PAGR1: variants seen among roughly 807,000 people sequenced by gnomAD.
The protein encoded by PAGR1 is PAXIP1-associated glutamate-rich protein 1.
In PAGR1, 20 loss-of-function variants were observed where a neutral mutation model predicts 22.4. That is an observed-to-expected ratio of 0.89 (90% CI 0.63 to 1.30). The LOEUF (loss-of-function observed/expected upper bound fraction) is 1.30, where lower values mean the gene tolerates loss of function less well. PAGR1 is among the 50% of genes most tolerant of loss of function. PAGR1 has a pLI of 0.00. For missense variants in PAGR1, 338 were observed against 343.6 expected (o/e 0.98, Z 0.13); for synonymous variants, 161 against 148.3 (o/e 1.09, Z -0.62).
intron 2 of PAGR1, chr16:29,818,106 C>T (rs1900286160): frequency 1.3e-5 from 2 of 152,262 alleles, no homozygotes; most frequent in African/African-American, 4.8e-5. Flanking sequence ...CCCTCTACTA[C>T]CATGTACATT....
Position 29,816,832 on chromosome 16 carries a change from C to T in PAGR1, c.307C>T (p.Gln103Ter). The T allele has an allele frequency of 6.4e-7, 1 of 1,561,908 alleles. No individual in the cohort carries two copies. The highest frequency in any genetic ancestry group is 8.7e-7 in the Non-Finnish European group (1 of 1,153,888). ...DEEVELPADGQPWMPPPSEIQ... is the reference protein window; with the variant it reads ...DEEVELPADG ...GGAGGTGGAGCTGCCTGCGGATGGGCAGCCCTGGATGCCCCCGCCCTCCGA... is the reference window on the plus strand; with the variant it reads ...GGAGGTGGAGCTGCCTGCGGATGGGTAGCCCTGGATGCCCCCGCCCTCCGA... The change falls in exon 1 of 3, where the codon CAG (glutamine) becomes TAG (stop). Residue 103 changes from glutamine to a stop codon, truncating the protein, a stop_gained. Coordinates refer to ENST00000320330, the MANE Select transcript of PAGR1 (RefSeq NM_024516.4). LOFTEE classifies it high-confidence loss of function.
At chr16:29,819,381 A>G in intron 2 of PAGR1, 174 bp from the exon 3 acceptor site, 1 of 667,906 alleles carries the variant, frequency 1.5e-6, no homozygotes, top group South Asian at 1.8e-5. Flanking sequence ...CCTGTCAATC[A>G]AGATCTTTGC....
chr16:29,816,340 C>T lies in PAGR1; in HGVS notation c.-186C>T. 3 of 503,600 alleles carry T rather than the reference C, an allele frequency of 6.0e-6. No homozygotes were observed. Among genetic ancestry groups the T allele is most frequent in the Non-Finnish European group, 9.6e-6 (3 of 314,022 alleles). The allele number at this position is 503,600 out of a possible 1,614,324, so 31.2% of individuals were successfully genotyped here. Reference sequence around the variant, plus strand: ...GCCTCGGAGTACCGAACCTCGATCTCCGGGGCGGGGTCCTTGGTGGGGACT... The same window carrying T: ...GCCTCGGAGTACCGAACCTCGATCTTCGGGGCGGGGTCCTTGGTGGGGACT... On this transcript the variant is annotated 5_prime_UTR_variant, in exon 1 of 3. Coordinates refer to ENST00000320330, the MANE Select transcript of PAGR1 (RefSeq NM_024516.4).
Position 29,821,253 on chromosome 16 carries a change from G to A in PAGR1, c.*1499G>A, listed in dbSNP as rs1348260101. The stretch of plus-strand genomic sequence containing the variant: ...TCAGCTCTCTGCCTGGGTAGCCCCT[G>A]GGTGATGGGGGAGAGGCCAGCTGTC... On this transcript the variant is annotated 3_prime_UTR_variant, in exon 3 of 3. Transcript: ENST00000320330. The A allele has an allele frequency of 2.0e-5, 3 of 152,358 alleles. No homozygotes were observed. The highest frequency in any genetic ancestry group is 7.2e-5 in the African/African-American group (3 of 41,434). The allele number at this position is 152,358 out of a possible 1,614,324, so 9.4% of individuals were successfully genotyped here. A position where few individuals can be genotyped will look rare whatever the true frequency, so the allele number is the denominator to read the frequency against.
At position 29,821,862 on chromosome 16, in the gene PAGR1, C is replaced by G. The variant is rs184858965; in HGVS notation, c.*2108C>G. 7.2e-5 allele frequency among the ~76,000 whole-genome samples: 11 copies of G among 152,314 alleles called. No individual in the cohort carries two copies. The East Asian group carries it at 2.1e-3, about 29-fold the overall frequency. The stretch of plus-strand genomic sequence containing the variant: ...GCCTAGAACACAGGGTCCAGAGGCT[C>G]TCTCCCGGAAACTTAGACCCAGTGA... On this transcript the variant is annotated 3_prime_UTR_variant, in exon 3 of 3. Coordinates refer to ENST00000320330, the MANE Select transcript of PAGR1 (RefSeq NM_024516.4).
At position 29,819,570 on chromosome 16, in the gene PAGR1, G is replaced by A. The variant is rs540130367; in HGVS notation, c.581G>A (p.Ser194Asn). The stretch of plus-strand genomic sequence containing the variant: ...TCTTCTCCAGGAAGCTCAGCCCGGA[G>A]CCAGAAACGGGAGGCCCGCCTGGAC... ...RRRTPGSSAR[S>N]QKREARLDKV... Residue 194 changes from serine (S) to asparagine (N), a missense_variant, in exon 3 of 3, where the codon AGC becomes AAC. By Grantham distance (46) the Ser-to-Asn change is conservative. Transcript: ENST00000320330. 2 of 1,614,070 alleles carry A rather than the reference G, an allele frequency of 1.2e-6. No individual in the cohort carries two copies. The highest frequency in any genetic ancestry group is 1.1e-5 in the South Asian group (1 of 91,086).
chr16:29,818,843 C>T (rs1370004222), intron 2 of PAGR1, among the ~76,000 whole-genome samples: 1 of 152,228 alleles, frequency 6.6e-6, no homozygotes, highest in Non-Finnish European at 1.5e-5. Context: ...GCTGGAATTA[C>T]AGGCGTGAGC....
chr16:29,821,192 G>A lies in PAGR1; in HGVS notation c.*1438G>A, dbSNP rs1056784805. 6.6e-6 allele frequency: 1 copy of A among 152,306 alleles called. No individual in the cohort carries two copies. Among genetic ancestry groups the A allele is most frequent in the African/African-American group, 2.4e-5 (1 of 41,458 alleles). The allele number at this position is 152,306 out of a possible 1,614,324, so 9.4% of individuals were successfully genotyped here. On this transcript the variant is annotated 3_prime_UTR_variant, in exon 3 of 3. Transcript: ENST00000320330. ...CCCTTGGGGAGCCAAGCACTTGGGG[G>A]TGGAGGTGATAGCGAGGCTGATGGC...
chr16:29,817,308 A>G lies in PAGR1; in HGVS notation c.565+16A>G. The G allele has an allele frequency of 6.2e-7, 1 of 1,613,436 alleles. No homozygotes were observed. Among genetic ancestry groups the G allele is most frequent in the South Asian group, 1.1e-5 (1 of 91,052 alleles). On this transcript the variant is annotated intron_variant, in intron 2 of 2. Coordinates refer to ENST00000320330, the MANE Select transcript of PAGR1 (RefSeq NM_024516.4). ...CGCACCCCAGGTACAAACGAAGAGG[A>G]AACAGTTGGGGGAGGTGAAGGGCCT...
Position 29,819,634 on chromosome 16 carries a change from G to A in PAGR1, c.645G>A (p.Glu215=). 1.2e-6 allele frequency: 2 copies of A among 1,614,134 alleles called. No individual in the cohort carries two copies. Among genetic ancestry groups the A allele is most frequent in the Non-Finnish European group, 1.7e-6 (2 of 1,180,040 alleles). ...LSDMKRHKKL[E]EQILRTGRDL... The stretch of plus-strand genomic sequence containing the variant: ...ACATGAAGAGACACAAGAAGCTGGA[G>A]GAGCAGATCCTTCGTACCGGGAGGG... The change falls in exon 3 of 3, where the codon GAG becomes GAA. Residue 215 remains glutamate (E), a synonymous_variant. Coordinates refer to ENST00000320330, the MANE Select transcript of PAGR1 (RefSeq NM_024516.4).
chr16:29,819,483 G>T (rs1365931414), intron 2 of PAGR1, 72 bp from the exon 3 acceptor site: 3 of 1,504,092 alleles, frequency 2.0e-6, no homozygotes, highest in Non-Finnish European at 2.8e-6. Flanking sequence ...CCCAAGTGAT[G>T]AGTGAGGTCC....
Position 29,819,913 on chromosome 16 carries a change from G to A in PAGR1, c.*159G>A, listed in dbSNP as rs1434787979. 1.3e-6 allele frequency: 1 copy of A among 797,304 alleles called. No individual in the cohort carries two copies. Among genetic ancestry groups the A allele is most frequent in the Non-Finnish European group, 1.9e-6 (1 of 517,932 alleles). 49.4% of individuals were successfully genotyped at this position (797,304 alleles called of 1,614,324 possible). ...AGAGGAAGAGAGAGTGTGAGTGTGT[G>A]TGTGTGTTTTTTCTATTGAACACCT... On this transcript the variant is annotated 3_prime_UTR_variant, in exon 3 of 3. Coordinates refer to ENST00000320330, the MANE Select transcript of PAGR1 (RefSeq NM_024516.4).
rs780235528 is a variant in PAGR1 at position 29,819,782 on chromosome 16, A to C, written c.*28A>C. The C allele has an allele frequency of 6.3e-7, 1 of 1,594,622 alleles. No homozygotes were observed. The highest frequency in any genetic ancestry group is 8.6e-7 in the Non-Finnish European group (1 of 1,166,114). On this transcript the variant is annotated 3_prime_UTR_variant, in exon 3 of 3. Transcript: ENST00000320330. Reference sequence around the variant, plus strand: ...CCCACTGCTCCTGCCTCTAGGGTGCAGTGTCCGTACCTGCTGGAGCCTGGG... The same window carrying C: ...CCCACTGCTCCTGCCTCTAGGGTGCCGTGTCCGTACCTGCTGGAGCCTGGG...
chr16:29,816,660 G>A lies in PAGR1; in HGVS notation c.135G>A (p.Lys45=), dbSNP rs752120723. The change falls in exon 1 of 3, where the codon AAG becomes AAA. Residue 45 remains lysine (K), a synonymous_variant. Transcript: ENST00000320330. ...GAGGCCCCTCTGCCTCGGCCGGTAA[G>A]GCCGAGGACGAGGGGGAAGGAGGCC... ...DTGGPSASAG[K]AEDEGEGGRE... The A allele has an allele frequency of 2.5e-6, 4 of 1,581,174 alleles. No individual in the cohort carries two copies. In the African/African-American group the frequency reaches 5.4e-5, roughly 21 times the overall value.
rs777028975 is a variant in PAGR1 at position 29,816,252 on chromosome 16, A to G, written c.-274A>G. Reference sequence around the variant, plus strand: ...AGAGGGGCGTCGTGGAAGCGAGAAGAGTGGCCCGTCCCTCTCCTCCCCCTT... The same window carrying G: ...AGAGGGGCGTCGTGGAAGCGAGAAGGGTGGCCCGTCCCTCTCCTCCCCCTT... On this transcript the variant is annotated 5_prime_UTR_variant, in exon 1 of 3. Coordinates refer to ENST00000320330, the MANE Select transcript of PAGR1 (RefSeq NM_024516.4). 9.8e-6 allele frequency: 4 copies of G among 407,340 alleles called. No individual in the cohort carries two copies. Among genetic ancestry groups the G allele is most frequent in the African/African-American group, 2.1e-5 (1 of 48,672 alleles). 25.2% of individuals were successfully genotyped at this position (407,340 alleles called of 1,614,324 possible).
rs1313926599 is a variant in PAGR1 at position 29,816,889 on chromosome 16, C to T, written c.364C>T (p.His122Tyr). ...GCGGCTCTATGAACTGCTGGCTGCC[C>T]ACGGTACTCTGGAGCTGCAAGCCGA... ...IQRLYELLAA[H>Y]GTLELQAEIL... The change falls in exon 1 of 3, where the codon CAC becomes TAC. Residue 122 changes from histidine (H) to tyrosine (Y), a missense_variant. This residue lies in a region of PAGR1 where 235 missense variants were observed against 216.0 expected (regional missense o/e 1.09). Coordinates refer to ENST00000320330, the MANE Select transcript of PAGR1 (RefSeq NM_024516.4). 11 of 1,563,924 alleles carry T rather than the reference C, an allele frequency of 7.0e-6. No homozygotes were observed. The highest frequency in any genetic ancestry group is 1.7e-4 in the Middle Eastern group (1 of 6,010).
At position 29,821,180 on chromosome 16, in the gene PAGR1, A is replaced by G. The variant is rs953006701; in HGVS notation, c.*1426A>G. The G allele has an allele frequency of 2.7e-4, 41 of 152,412 alleles. No individual in the cohort carries two copies. Among genetic ancestry groups the G allele is most frequent in the African/African-American group, 9.6e-4 (40 of 41,576 alleles). The allele number at this position is 152,412 out of a possible 1,614,324, so 9.4% of individuals were successfully genotyped here. A position where few individuals can be genotyped will look rare whatever the true frequency, so the allele number is the denominator to read the frequency against. On this transcript the variant is annotated 3_prime_UTR_variant, in exon 3 of 3. Transcript: ENST00000320330. Reference sequence around the variant, plus strand: ...TTTTAGAGCTGTCCCTTGGGGAGCCAAGCACTTGGGGGTGGAGGTGATAGC... The same window carrying G: ...TTTTAGAGCTGTCCCTTGGGGAGCCGAGCACTTGGGGGTGGAGGTGATAGC...
Position 29,816,682 on chromosome 16 carries a change from G to A in PAGR1, c.157G>A (p.Gly53Ser), listed in dbSNP as rs752738892. The A allele has an allele frequency of 1.2e-6, 2 of 1,600,640 alleles. No homozygotes were observed. The highest frequency in any genetic ancestry group is 1.7e-6 in the Non-Finnish European group (2 of 1,172,188). Residue 53 changes from glycine (G) to serine (S), a missense_variant, in exon 1 of 3, where the codon GGC (glycine) becomes AGC (serine). Physicochemically the swap from Gly to Ser is moderately conservative, Grantham distance 56. This residue lies in a region of PAGR1 where 235 missense variants were observed against 216.0 expected (regional missense o/e 1.09). Coordinates refer to ENST00000320330, the MANE Select transcript of PAGR1 (RefSeq NM_024516.4). ...TAAGGCCGAGGACGAGGGGGAAGGA[G>A]GCCGAGAGGAGACCGAGCGTGAGGG... ...AGKAEDEGEG[G>S]REETEREGSG...
In PAGR1 at chr16:29,819,522, CCCTTCCATGTATCTTA is replaced by C. The variant is rs1365178942; in HGVS notation, c.566-26_566-11del. 6.2e-7 allele frequency: 1 copy of C among 1,609,906 alleles called. No individual in the cohort carries two copies. Among genetic ancestry groups the C allele is most frequent in the Non-Finnish European group, 8.5e-7 (1 of 1,176,834 alleles). On this transcript the variant is annotated splice_polypyrimidine_tract_variant and intron_variant, in intron 2 of 2. Coordinates refer to ENST00000320330, the MANE Select transcript of PAGR1 (RefSeq NM_024516.4). ...CAGGTATGGTGTACACCACCTCCAT[CCCTTCCATGTATCTTA>C]CCTTCCTCTTCTCCAGGAAGCTCAG... is the stretch of plus-strand genomic sequence containing the variant.
Sources: allele counts gnomAD v4.1 joint callset (sites outside exome capture counted in the v4.1 genomes callset), GRCh38; gene constraint gnomAD v4.1.1; regional missense constraint gnomAD v4.1.1; transcripts MANE v1.5; gene names NCBI Gene and HGNC (gene_info 2026-07-23, HGNC 2026-07-21).